Variants in THSD7B observed in about 807,000 individuals in gnomAD.
The protein encoded by THSD7B is thrombospondin type 1 domain containing 7B.
Under a neutral mutation model 213.6 loss-of-function variants are expected in THSD7B, and 138 were observed. That is an observed-to-expected ratio of 0.65 (90% CI 0.56 to 0.74). THSD7B has a LOEUF of 0.74. Among genes scored for constraint, THSD7B ranks in the 30% least tolerant of loss-of-function variants. The pLI, the probability that THSD7B is intolerant of heterozygous loss-of-function variation, is 0.00. For missense variants in THSD7B, 1,931 were observed against 1,991.5 expected (o/e 0.97, Z 0.58); for synonymous variants, 742 against 687.0 (o/e 1.08, Z -1.25).
rs1198100741 is a variant in THSD7B, at chr2:137,380,265, A to T, written c.2501-25348A>T. ...CATCTCTACAAAAAATAGAAAAAAAAAAAAATAGCCACGCATGGTGGTACA... is the reference window on the plus strand; with the variant it reads ...CATCTCTACAAAAAATAGAAAAAAATAAAAATAGCCACGCATGGTGGTACA... On this transcript the variant is annotated intron_variant, in intron 12 of 27. Coordinates refer to ENST00000409968, the MANE Select transcript of THSD7B (RefSeq NM_001316349.2). Among the ~76,000 whole-genome samples the T allele has an allele frequency of 2.6e-5, 4 of 151,774 alleles. No homozygotes were observed. In the South Asian group the frequency reaches 6.3e-4, roughly 24 times the overall value.
chr2:137,169,848 A>C (rs373318046), intron 6 of THSD7B, among the ~76,000 whole-genome samples: 33 of 152,282 alleles, frequency 2.2e-4, no homozygotes, highest in African/African-American at 7.5e-4. Flanking sequence ...ATTGTGCATT[A>C]GTTTTTATCA....
At chr2:137,377,344 G>A (rs1440711154) in intron 12 of THSD7B, among the ~76,000 whole-genome samples, 45 of 152,134 alleles carry the variant, frequency 3.0e-4, no homozygotes, top group Admixed American at 2.9e-3. Context: ...AAGGTCATAA[G>A]CATGTGAAAA....
chr2:136,824,876 G>C (rs887802092), intron 1 of THSD7B, among the ~76,000 whole-genome samples: 2 of 152,132 alleles, frequency 1.3e-5, no homozygotes, highest in African/African-American at 4.8e-5. Flanking sequence ...TCTAAGGGAG[G>C]CTTTACATTT....
intron 14 of THSD7B, among the ~76,000 whole-genome samples, chr2:137,421,670 G>A (rs1345771590): frequency 6.6e-6 from 1 of 152,112 alleles, no homozygotes; most frequent in Non-Finnish European, 1.5e-5. Context: ...CCTTCCACAG[G>A]ATATAGGGCA....
intron 15 of THSD7B, among the ~76,000 whole-genome samples, chr2:137,494,645 A>G (rs988632033): frequency 2.0e-5 from 3 of 151,974 alleles, no homozygotes; most frequent in Admixed American, 2.0e-4. Context: ...CCACACTCTT[A>G]CTCTTATTGA....
intron 2 of THSD7B, among the ~76,000 whole-genome samples, chr2:136,959,753 A>G (rs536896042): frequency 6.6e-6 from 1 of 152,356 alleles, no homozygotes; most frequent in South Asian, 2.1e-4. Flanking sequence ...CCATAAATTT[A>G]TCATAAACAC....
rs569885685 is a variant in THSD7B at position 137,414,610 on chromosome 2, T to A, written c.2959+2738T>A. On this transcript the variant is annotated intron_variant, in intron 14 of 27. Transcript: ENST00000409968. ...GCATGCATCTGTGGTCCCAACTATT[T>A]GGGAGACTGAGGTGGCAGGATCACT... Among the ~76,000 whole-genome samples, 5 of 152,152 alleles carry A rather than the reference T, an allele frequency of 3.3e-5. No individual in the cohort carries two copies. The East Asian group carries it at 9.7e-4, about 29-fold the overall frequency.
At chr2:137,476,033 A>G (rs1688184574) in intron 15 of THSD7B, among the ~76,000 whole-genome samples, 1 of 152,050 alleles carries the variant, frequency 6.6e-6, no homozygotes, top group Admixed American at 6.6e-5. Context: ...ATGTTACTGT[A>G]CTTTTGCATT....
At chr2:137,090,270 T>C (rs1489837686) in intron 3 of THSD7B, among the ~76,000 whole-genome samples, 3 of 152,074 alleles carry the variant, frequency 2.0e-5, no homozygotes, top group Non-Finnish European at 4.4e-5. Context: ...GAAATAAAAC[T>C]AGAATTGCAT....
At chr2:137,650,249 A>ATTACTTTCTT (rs1332956927) in intron 21 of THSD7B, among the ~76,000 whole-genome samples, 3 of 152,098 alleles carry the variant, frequency 2.0e-5, no homozygotes, top group Admixed American at 1.3e-4. Context: ...ATCATCTTCA[A>ATTACTTTCTT]TTACTTTCTT....
intron 20 of THSD7B, among the ~76,000 whole-genome samples, chr2:137,638,655 C>T (rs1273851122): frequency 2.0e-5 from 3 of 152,190 alleles, no homozygotes; most frequent in African/African-American, 7.2e-5. Context: ...AGTGTTGAAC[C>T]TCCTAGAGAT....
At chr2:137,069,526 T>G (rs1372865637) in intron 3 of THSD7B, among the ~76,000 whole-genome samples, 1 of 152,000 alleles carries the variant, frequency 6.6e-6, no homozygotes, top group Non-Finnish European at 1.5e-5. Context: ...TATGATTATT[T>G]GGTACATGTT....
At chr2:137,200,066 A>G (rs979795221) in intron 7 of THSD7B, among the ~76,000 whole-genome samples, 6 of 152,122 alleles carry the variant, frequency 3.9e-5, no homozygotes, top group African/African-American at 1.4e-4. Flanking sequence ...AAATGTGAAT[A>G]TTTTTCAATC....
chr2:137,412,543 G>A (rs546717458), intron 14 of THSD7B, among the ~76,000 whole-genome samples: 46 of 131,836 alleles, frequency 3.5e-4, no homozygotes, highest in Non-Finnish European at 6.4e-4. Context: ...GTTGCAGTGA[G>A]CCCAGACTGT....
At chr2:136,838,827 GT>G (rs899620414) in intron 1 of THSD7B, among the ~76,000 whole-genome samples, 1 of 152,118 alleles carries the variant, frequency 6.6e-6, no homozygotes, top group Admixed American at 6.5e-5. Flanking sequence ...GATAAAATAT[GT>G]TTTTTCCCCA....
chr2:137,620,624 C>G lies in THSD7B; in HGVS notation c.3697C>G (p.Pro1233Ala). 6.2e-7 allele frequency: 1 copy of G among 1,613,524 alleles called. No individual in the cohort carries two copies. Among genetic ancestry groups the G allele is most frequent in the South Asian group, 1.1e-5 (1 of 91,068 alleles). Reference protein sequence around the residue: ...DQCEQHNLEKPQRMSIPCLVE... With the variant: ...DQCEQHNLEKAQRMSIPCLVE... ...CCATTTGCAGCATAATTTGGAGAAGCCCCAGAGAATGAGCATTCCCTGCTT... is the reference window on the plus strand; with the variant it reads ...CCATTTGCAGCATAATTTGGAGAAGGCCCAGAGAATGAGCATTCCCTGCTT... The change falls in exon 20 of 28, where the codon CCC (proline) becomes GCC (alanine). Residue 1233 changes from proline to alanine, a missense_variant. Transcript: ENST00000409968.
intron 7 of THSD7B, among the ~76,000 whole-genome samples, chr2:137,221,387 C>G (rs969572266): frequency 6.6e-6 from 1 of 151,716 alleles, no homozygotes; most frequent in Non-Finnish European, 1.5e-5. Flanking sequence ...GGTGATAGAA[C>G]TGTCCTGCCT....
intron 10 of THSD7B, among the ~76,000 whole-genome samples, chr2:137,269,713 A>G (rs1682689704): frequency 6.6e-6 from 1 of 152,196 alleles, no homozygotes; most frequent in South Asian, 2.1e-4. Flanking sequence ...TTTACAAAAT[A>G]TTCTTCCCAC....
At chr2:137,381,642 T>C (rs536435390) in intron 12 of THSD7B, among the ~76,000 whole-genome samples, 229 of 152,318 alleles carry the variant, frequency 1.5e-3, no homozygotes, top group Non-Finnish European at 2.5e-3. Flanking sequence ...AAATGGGGCC[T>C]CAATGAGTGA....
Sources: allele counts gnomAD v4.1 joint callset (sites outside exome capture counted in the v4.1 genomes callset), GRCh38; gene constraint gnomAD v4.1.1; transcripts MANE v1.5; gene names NCBI Gene and HGNC (gene_info 2026-07-23, HGNC 2026-07-21).